RASEF: variants seen among roughly 807,000 people sequenced by gnomAD.
RASEF encodes RAS and EF-hand domain containing.
RASEF carries 68 observed loss-of-function variants against 90.1 expected under a neutral mutation model. That is an observed-to-expected ratio of 0.75 (90% CI 0.62 to 0.92). The LOEUF (loss-of-function observed/expected upper bound fraction) is 0.92, where lower values mean the gene tolerates loss of function less well. RASEF is among the 40% of genes least tolerant of loss of function. RASEF has a pLI of 0.00. For synonymous variants in RASEF, 331 were observed against 345.2 expected, an observed-to-expected ratio of 0.96 and a Z score of 0.46; for missense variants, 949 against 937.2, an observed-to-expected ratio of 1.01 and a Z score of -0.16.
At position 82,990,901 on chromosome 9, in the gene RASEF, C is replaced by T. The variant is rs537149022; in HGVS notation, c.2041-434G>A. Among the ~76,000 whole-genome samples the T allele has an allele frequency of 2.0e-5, 3 of 152,322 alleles. 1 individual carries two copies. Among genetic ancestry groups the T allele is most frequent in the African/African-American group, 7.2e-5 (3 of 41,578 alleles). ...ACTTTTCCCTTCTGGATCCAGCAGCCTCCACGTTTGCTGAAACCAATGGAC... is the reference window on the plus strand; with the variant it reads ...ACTTTTCCCTTCTGGATCCAGCAGCTTCCACGTTTGCTGAAACCAATGGAC... On this transcript the variant is annotated intron_variant, in intron 15 of 16. Coordinates refer to ENST00000376447, the MANE Select transcript of RASEF (RefSeq NM_152573.4).
At chr9:83,139,570 A>C in the RASEF span, among the ~76,000 whole-genome samples, 1 of 152,160 alleles carries the variant, frequency 6.6e-6, no homozygotes, top group African/African-American at 2.4e-5. Context: ...TGAGCCATTA[A>C]AAAGGTCTTC....
At chr9:83,123,488 C>A in the RASEF span, among the ~76,000 whole-genome samples, 13 of 152,252 alleles carry the variant, frequency 8.5e-5, no homozygotes, top group African/African-American at 2.6e-4. Context: ...TAGCACCCTT[C>A]CCTGGTTAAT....
chr9:83,165,139 A>G, the RASEF span, among the ~76,000 whole-genome samples: 13 of 152,188 alleles, frequency 8.5e-5, no homozygotes, highest in East Asian at 1.4e-3. Flanking sequence ...CAACAACACC[A>G]CCATCAATTG....
intron 1 of RASEF, among the ~76,000 whole-genome samples, chr9:83,026,166 T>C (rs1215771476): frequency 6.6e-6 from 1 of 152,192 alleles, no homozygotes. Flanking sequence ...AAGGATTTTG[T>C]TGTTGTTCCT....
At chr9:83,022,922 G>A (rs1343595175) in intron 2 of RASEF, among the ~76,000 whole-genome samples, 1 of 152,162 alleles carries the variant, frequency 6.6e-6, no homozygotes, top group East Asian at 1.9e-4. Context: ...TGTCATTTAG[G>A]TAATCCTTTA....
At chr9:83,139,666 G>A in the RASEF span, among the ~76,000 whole-genome samples, 1 of 152,086 alleles carries the variant, frequency 6.6e-6, no homozygotes, top group African/African-American at 2.4e-5. Context: ...GGCAGAGGCG[G>A]AAGAAAATCC....
chr9:83,101,127 G>C, the RASEF span, among the ~76,000 whole-genome samples: 1 of 152,074 alleles, frequency 6.6e-6, no homozygotes, highest in African/African-American at 2.4e-5. Flanking sequence ...ATTACTTCAC[G>C]ATGACATGAG....
the RASEF span, among the ~76,000 whole-genome samples, chr9:83,109,810 C>A: frequency 1.8e-4 from 27 of 152,230 alleles, no homozygotes; most frequent in Middle Eastern, 6.8e-3. Flanking sequence ...TCCTCCCAGA[C>A]GCGTTATAAA....
In RASEF at chr9:83,001,050, A is replaced by G. The variant is rs1217138184; in HGVS notation, c.1283T>C (p.Val428Ala). Residue 428 changes from valine (V) to alanine (A), a missense_variant, in exon 10 of 17, where the codon GTT (valine) becomes GCT (alanine). This residue lies in a region of RASEF where 656 missense variants were observed against 592.2 expected (regional missense o/e 1.11). Coordinates refer to ENST00000376447, the MANE Select transcript of RASEF (RefSeq NM_152573.4). The part of the protein sequence containing the change: ...CDPLQRTNCE[V>A]DSLPESCFDS... ...GAAGCAGCTTTCAGGCAGGCTGTCA[A>G]CTTCACAATTTGTCCTCTGCAGAGG... 6 of 1,614,172 alleles carry G rather than the reference A, an allele frequency of 3.7e-6. No homozygotes were observed. Among genetic ancestry groups the G allele is most frequent in the Non-Finnish European group, 5.1e-6 (6 of 1,180,024 alleles).
chr9:83,218,874 C>T, the RASEF span, among the ~76,000 whole-genome samples: 1 of 152,124 alleles, frequency 6.6e-6, no homozygotes, highest in Non-Finnish European at 1.5e-5. Context: ...TTTACAGAAG[C>T]CACATACCTG....
chr9:83,018,896 A>T (rs745939131), intron 3 of RASEF, among the ~76,000 whole-genome samples: 3 of 152,218 alleles, frequency 2.0e-5, no homozygotes, highest in Non-Finnish European at 4.4e-5. Context: ...TAAAGTGCAG[A>T]GGCAATTCAG....
chr9:83,147,613 C>A, the RASEF span, among the ~76,000 whole-genome samples: 1 of 152,060 alleles, frequency 6.6e-6, no homozygotes, highest in African/African-American at 2.4e-5. Flanking sequence ...GCCTGCGACT[C>A]CTAAAGCCCT....
the RASEF span, among the ~76,000 whole-genome samples, chr9:83,208,783 G>A: frequency 1.3e-5 from 2 of 152,184 alleles, no homozygotes; most frequent in African/African-American, 4.8e-5. Context: ...TTAAAGGGAA[G>A]CTATGAATAT....
At chr9:83,087,551 T>A in the RASEF span, among the ~76,000 whole-genome samples, 3 of 152,070 alleles carry the variant, frequency 2.0e-5, no homozygotes, top group African/African-American at 7.2e-5. Flanking sequence ...ATAGGTTATC[T>A]AATTTCTTGG....
At chr9:83,024,867 G>A (rs1275254036) in intron 2 of RASEF, among the ~76,000 whole-genome samples, 13 of 152,124 alleles carry the variant, frequency 8.5e-5, no homozygotes, top group Admixed American at 6.5e-4. Flanking sequence ...TGTAGACAGG[G>A]CAGCCTCCTA....
At chr9:83,183,951 C>T in the RASEF span, among the ~76,000 whole-genome samples, 1 of 152,148 alleles carries the variant, frequency 6.6e-6, no homozygotes, top group South Asian at 2.1e-4. Flanking sequence ...TGGCCAGGCC[C>T]CATGCCCAGA....
At chr9:83,179,840 TAC>T in the RASEF span, among the ~76,000 whole-genome samples, 1 of 151,876 alleles carries the variant, frequency 6.6e-6, no homozygotes, top group Non-Finnish European at 1.5e-5. Flanking sequence ...TACCTAAAAA[TAC>T]AGAGTAAAAG....
In RASEF at chr9:83,000,480, T is replaced by C. The variant is rs1040462595; in HGVS notation, c.1528A>G (p.Ser510Gly). ...WKPQGSVSEGSIVSSSRKPIS... is the reference protein window; with the variant it reads ...WKPQGSVSEGGIVSSSRKPIS... ...GGCTTTCTTGATGAACTAACAATGC[T>C]GCCTTCACTAACAGACCCTTGGGGC... The change falls in exon 11 of 17, where the codon AGC becomes GGC. Residue 510 changes from serine to glycine, a missense_variant. By Grantham distance (56) the Ser-to-Gly change is moderately conservative. Coordinates refer to ENST00000376447, the MANE Select transcript of RASEF (RefSeq NM_152573.4). The C allele has an allele frequency of 1.9e-6, 3 of 1,614,056 alleles. No homozygotes were observed. The East Asian group carries it at 6.7e-5, about 36-fold the overall frequency.
At chr9:83,158,346 T>C in the RASEF span, among the ~76,000 whole-genome samples, 1 of 152,100 alleles carries the variant, frequency 6.6e-6, no homozygotes, top group Admixed American at 6.5e-5. Context: ...TCTGAAATAA[T>C]AGTACAAATA....
Sources: gnomAD v4.1 joint callset for allele counts (sites outside exome capture counted in the v4.1 genomes callset) on GRCh38, gnomAD v4.1.1 for gene constraint, gnomAD v4.1.1 regional missense constraint, MANE v1.5 for transcripts, NCBI Gene and HGNC (gene_info 2026-07-23, HGNC 2026-07-21) for gene names.